The following COMT variants were observed in gnomAD, a reference collection of about 807,000 sequenced individuals.
COMT encodes catechol-O-methyltransferase.
Under a neutral mutation model 18.9 loss-of-function variants are expected in COMT, and 13 were observed. That is an observed-to-expected ratio of 0.69 (90% CI 0.45 to 1.09). The LOEUF (loss-of-function observed/expected upper bound fraction) is 1.09. Ranked by LOEUF, COMT falls within the 50% of genes least tolerant of loss-of-function variation. The pLI, the probability that COMT is intolerant of heterozygous loss-of-function variation, is 0.00. For synonymous variants in COMT, 150 were observed against 160.9 expected (o/e 0.93, Z 0.51); for missense variants, 329 against 361.8 (o/e 0.91, Z 0.73).
chr22:19,962,868 G>A, intron 3 of COMT, 53 bp downstream of exon 3: 1 of 1,564,618 alleles, frequency 6.4e-7, no homozygotes, highest in Non-Finnish European at 8.7e-7. Flanking sequence ...CCAGGACCAG[G>A]CATCAAAGCC....
At chr22:19,953,454 C>T (rs577634786) in intron 1 of COMT, among the ~76,000 whole-genome samples, 17 of 152,216 alleles carry the variant, frequency 1.1e-4, no homozygotes, top group East Asian at 5.8e-4. Flanking sequence ...CCACCATGCC[C>T]GGCTCATTTT....
intron 1 of COMT, among the ~76,000 whole-genome samples, chr22:19,952,513 G>A (rs5993886): frequency 2.6e-5 from 4 of 151,688 alleles, no homozygotes; most frequent in East Asian, 3.9e-4. Context: ...GGTGGCGGGC[G>A]CCTGTAGTCC....
At chr22:19,944,345 G>C (rs1238230351) in intron 1 of COMT, among the ~76,000 whole-genome samples, 7 of 152,192 alleles carry the variant, frequency 4.6e-5, no homozygotes, top group African/African-American at 1.7e-4. Context: ...CCAGAAGTTC[G>C]AGACCAGCCT....
At chr22:19,962,291 C>T in intron 2 of COMT, 1 of 633,846 alleles carries the variant, frequency 1.6e-6, no homozygotes, top group Non-Finnish European at 2.7e-6. Flanking sequence ...CCTGCAGGCT[C>T]CACACAGGAC....
intron 1 of COMT, among the ~76,000 whole-genome samples, chr22:19,947,716 C>T (rs909552358): frequency 6.6e-6 from 1 of 152,094 alleles, no homozygotes; most frequent in African/African-American, 2.4e-5. Flanking sequence ...CACAGGGAGA[C>T]GGTTAGGCCT....
chr22:19,953,572 C>T (rs1042308764), intron 1 of COMT, among the ~76,000 whole-genome samples: 1 of 152,168 alleles, frequency 6.6e-6, no homozygotes, highest in African/African-American at 2.4e-5. Flanking sequence ...GGATTACAGG[C>T]GTGAGCCACT....
rs753519008 is a variant in COMT, at chr22:19,968,532, G to C, written c.616-4G>C. 1 of 1,613,608 alleles carries C rather than the reference G, an allele frequency of 6.2e-7. No homozygotes were observed. Among genetic ancestry groups the C allele is most frequent in the Non-Finnish European group, 8.5e-7 (1 of 1,179,792 alleles). ...ACCTCCCCCACCCCCCGGTCTGTTT[G>C]CAGGAATGTGGCCTGCTGCGGAAGG... is the stretch of plus-strand genomic sequence containing the variant. On this transcript the variant is annotated splice_polypyrimidine_tract_variant and splice_region_variant and intron_variant, in intron 5 of 5. Transcript: ENST00000361682.
chr22:19,950,258 T>C (rs11703340), intron 1 of COMT, among the ~76,000 whole-genome samples: 4,608 of 141,382 alleles, frequency 0.033, 80 homozygotes, highest in Non-Finnish European at 0.048. Flanking sequence ...TTTTTTTTTT[T>C]TTTTTCTGTA....
chr22:19,949,859 A>T (rs1158012687), intron 1 of COMT, among the ~76,000 whole-genome samples: 1 of 152,214 alleles, frequency 6.6e-6, no homozygotes, highest in Non-Finnish European at 1.5e-5. Flanking sequence ...ATACCATCTT[A>T]TAATCTCTAG....
chr22:19,964,452 A>G, intron 5 of COMT, 153 bp downstream of exon 5: 1 of 1,132,022 alleles, frequency 8.8e-7, no homozygotes, highest in Non-Finnish European at 1.3e-6. Flanking sequence ...AGTGTGGGGG[A>G]CTGAGGAGGC....
chr22:19,963,666 G>C lies in COMT; in HGVS notation c.390G>C (p.Leu130=), dbSNP rs1601529307. The C allele has an allele frequency of 6.2e-7, 1 of 1,613,000 alleles. No individual in the cohort carries two copies. Among genetic ancestry groups the C allele is most frequent in the Non-Finnish European group, 8.5e-7 (1 of 1,180,012 alleles). The change falls in exon 4 of 6, where the codon CTG becomes CTC. Residue 130 remains leucine, a synonymous_variant. Coordinates refer to ENST00000361682, the MANE Select transcript of COMT (RefSeq NM_000754.4). ...CAGCTGTGCGCATGGCCCGCCTGCT[G>C]TCACCAGGGGCGAGGCTCATCACCA... is the stretch of plus-strand genomic sequence containing the variant. The part of the protein sequence containing the change: ...GYSAVRMARL[L]SPGARLITIE...
chr22:19,963,161 G>C (rs1017379032), intron 3 of COMT, among the ~76,000 whole-genome samples: 10 of 152,250 alleles, frequency 6.6e-5, no homozygotes, highest in African/African-American at 2.2e-4. Context: ...TTCAGCCTGG[G>C]GCACAGGATG....
At chr22:19,954,408 C>T (rs565432538) in intron 1 of COMT, among the ~76,000 whole-genome samples, 5 of 152,082 alleles carry the variant, frequency 3.3e-5, no homozygotes, top group South Asian at 4.1e-4. Context: ...CTGCCATGGT[C>T]GGATGAGAGC....
In COMT at chr22:19,963,186, C is replaced by T. The variant is rs566477390; in HGVS notation, c.289+371C>T. Among the ~76,000 whole-genome samples the T allele has an allele frequency of 1.2e-4, 19 of 152,260 alleles. No individual in the cohort carries two copies. The South Asian group carries it at 2.3e-3, about 18-fold the overall frequency. On this transcript the variant is annotated intron_variant, in intron 3 of 5. Coordinates refer to ENST00000361682, the MANE Select transcript of COMT (RefSeq NM_000754.4). The stretch of plus-strand genomic sequence containing the variant: ...GGCACAGGATGTGTTACCGGGCTCA[C>T]GGAGTGACTCAGGGAACTAGTGCCG...
chr22:19,964,738 T>C lies in COMT; in HGVS notation c.615+439T>C. 4 of 458,770 alleles carry C rather than the reference T, an allele frequency of 8.7e-6. No individual in the cohort carries two copies. The South Asian group carries it at 9.2e-5, about 11-fold the overall frequency. 28.4% of individuals were successfully genotyped at this position (458,770 alleles called of 1,614,324 possible). A position where few individuals can be genotyped will look rare whatever the true frequency, so the allele number is the denominator to read the frequency against. ...AGATCTTCCTCCTGAGGCCCCATCTTGTGCATTCCCCCAACCCAGCCCCAC... is the reference window on the plus strand; with the variant it reads ...AGATCTTCCTCCTGAGGCCCCATCTCGTGCATTCCCCCAACCCAGCCCCAC... On this transcript the variant is annotated intron_variant, in intron 5 of 5. Transcript: ENST00000361682.
chr22:19,943,951 G>C (rs1941794080), intron 1 of COMT, among the ~76,000 whole-genome samples: 1 of 152,148 alleles, frequency 6.6e-6, no homozygotes, highest in African/African-American at 2.4e-5. Context: ...AGGCACAAAG[G>C]CTGCCCCTGG....
chr22:19,950,417 C>A (rs1356326913), intron 1 of COMT, among the ~76,000 whole-genome samples: 2 of 151,982 alleles, frequency 1.3e-5, no homozygotes, highest in Non-Finnish European at 2.9e-5. Context: ...GTGTTTCTGG[C>A]AAATTGGACA....
chr22:19,967,432 T>C (rs1268841460), intron 5 of COMT: 1 of 469,838 alleles, frequency 2.1e-6, no homozygotes, highest in South Asian at 1.6e-5. Context: ...TCATGATTCA[T>C]GGTGGTACTT....
chr22:19,964,430 C>T, intron 5 of COMT, 131 bp downstream of exon 5: 1 of 1,340,158 alleles, frequency 7.5e-7, no homozygotes, highest in Non-Finnish European at 1.1e-6. Flanking sequence ...GAGGCACCAC[C>T]TGAGGTCTGG....
Sources: gnomAD v4.1 joint callset for allele counts (sites outside exome capture counted in the v4.1 genomes callset) on GRCh38, gnomAD v4.1.1 for gene constraint, MANE v1.5 for transcripts, NCBI Gene and HGNC (gene_info 2026-07-23, HGNC 2026-07-21) for gene names.